PCDHGA11: variants seen among roughly 807,000 people sequenced by gnomAD.
PCDHGA11 encodes the protein protocadherin gamma-A11.
A neutral mutation model predicts 60.4 loss-of-function variants in PCDHGA11; 39 were observed. That is an observed-to-expected ratio of 0.65 (90% CI 0.50 to 0.84). PCDHGA11 has a LOEUF of 0.84. PCDHGA11 is among the 40% of genes least tolerant of loss of function. PCDHGA11 has a pLI of 0.00. For synonymous variants in PCDHGA11, 533 were observed against 510.3 expected, an observed-to-expected ratio of 1.04 and a Z score of -0.60; for missense variants, 1,165 against 1,197.7, an observed-to-expected ratio of 0.97 and a Z score of 0.40.
intron 1 of PCDHGA11, among the ~76,000 whole-genome samples, chr5:141,448,772 G>C (rs1034550563): frequency 1.5e-4 from 22 of 151,272 alleles, no homozygotes; most frequent in African/African-American, 3.7e-4. Context: ...AACCCCGTCT[G>C]TACTAAAAAT....
chr5:141,475,914 A>C (rs2099380300), intron 1 of PCDHGA11: 1 of 592,260 alleles, frequency 1.7e-6, no homozygotes, highest in African/African-American at 1.9e-5. Context: ...GCCAATGAAG[A>C]CGCTGGAGAT....
intron 1 of PCDHGA11, among the ~76,000 whole-genome samples, chr5:141,456,046 C>T (rs759479772): frequency 1.3e-5 from 2 of 151,904 alleles, no homozygotes; most frequent in Non-Finnish European, 2.9e-5. Context: ...TACAGGCGCC[C>T]ACCACCACGT....
intron 1 of PCDHGA11, among the ~76,000 whole-genome samples, chr5:141,454,032 C>T (rs2098780173): frequency 6.6e-6 from 1 of 152,126 alleles, no homozygotes; most frequent in Non-Finnish European, 1.5e-5. Flanking sequence ...AAGAATTGGC[C>T]AGCAAAGATA....
intron 1 of PCDHGA11, among the ~76,000 whole-genome samples, chr5:141,447,321 G>C (rs148203274): frequency 3.9e-5 from 6 of 152,068 alleles, no homozygotes; most frequent in Admixed American, 6.5e-5. Flanking sequence ...TGTATTTTTA[G>C]TAGAGACGGG....
chr5:141,442,716 G>A (rs1367250926), intron 1 of PCDHGA11, among the ~76,000 whole-genome samples: 1 of 152,206 alleles, frequency 6.6e-6, no homozygotes, highest in East Asian at 1.9e-4. Context: ...ACATGCCAGA[G>A]CATTTGGGGC....
rs1334650353 is a variant in PCDHGA11, at chr5:141,493,099, A to T, written c.2434-1708A>T. Among the ~76,000 whole-genome samples, 1 of 152,192 alleles carries T rather than the reference A, an allele frequency of 6.6e-6. No homozygotes were observed. Among genetic ancestry groups the T allele is most frequent in the East Asian group, 1.9e-4 (1 of 5,198 alleles). On this transcript the variant is annotated intron_variant, in intron 1 of 3. Coordinates refer to ENST00000398587, the MANE Select transcript of PCDHGA11 (RefSeq NM_018914.3). This position sits in a 1 kb window ranked among gnomAD's most constrained non-coding sequence, Gnocchi z 4.3. ...CTCCAGGAGCTTTTATTCAAAATAT[A>T]TCAATGCCTAACTCTGCTCCTAGGA... is the stretch of plus-strand genomic sequence containing the variant.
At chr5:141,449,500 A>G (rs1034917703) in intron 1 of PCDHGA11, among the ~76,000 whole-genome samples, 6 of 151,300 alleles carry the variant, frequency 4.0e-5, no homozygotes, top group African/African-American at 1.5e-4. Flanking sequence ...GAGGCATGAG[A>G]AATGCTTGAA....
chr5:141,454,796 A>ATTTTTCT (rs2098799790), intron 1 of PCDHGA11, among the ~76,000 whole-genome samples: 1 of 77,408 alleles, frequency 1.3e-5, no homozygotes, highest in African/African-American at 5.9e-5. Context: ...CATGGTTCTA[A>ATTTTTCT]TTTTTTTTTT....
intron 1 of PCDHGA11, chr5:141,468,632 C>G (rs1385644482): frequency 6.6e-6 from 1 of 151,628 alleles, no homozygotes; most frequent in Non-Finnish European, 1.5e-5. Context: ...TTTGGGAGGC[C>G]GAGGTGGGCG....
intron 1 of PCDHGA11, among the ~76,000 whole-genome samples, chr5:141,466,540 G>T (rs1302720337): frequency 6.6e-6 from 1 of 152,094 alleles, no homozygotes; most frequent in Non-Finnish European, 1.5e-5. Context: ...GATGTAGATG[G>T]TCTTTTGCTG....
At position 141,422,992 on chromosome 5, in the gene PCDHGA11, G is replaced by A; in HGVS notation, c.1765G>A (p.Val589Met). The change falls in exon 1 of 4, where the codon GTG (valine) becomes ATG (methionine). Residue 589 changes from valine (V) to methionine (M), a missense_variant. Physicochemically the swap from Val to Met is conservative, Grantham distance 21. Coordinates refer to ENST00000398587, the MANE Select transcript of PCDHGA11 (RefSeq NM_018914.3). Reference sequence around the variant, plus strand: ...CCGCTCTGCGGAACCTGGCTACCTGGTGACCAAGGTGGTTGCGGTGGACAA... The same window carrying A: ...CCGCTCTGCGGAACCTGGCTACCTGATGACCAAGGTGGTTGCGGTGGACAA... ...APRSAEPGYL[V>M]TKVVAVDKDS... 1 of 1,614,238 alleles carries A rather than the reference G, an allele frequency of 6.2e-7. No individual in the cohort carries two copies. The highest frequency in any genetic ancestry group is 8.5e-7 in the Non-Finnish European group (1 of 1,180,042).
intron 1 of PCDHGA11, among the ~76,000 whole-genome samples, chr5:141,438,835 A>T (rs1591550617): frequency 6.7e-6 from 1 of 149,784 alleles, no homozygotes; most frequent in African/African-American, 2.5e-5. Flanking sequence ...CTAATTTTTT[A>T]AAATATTTTT....
intron 3 of PCDHGA11, among the ~76,000 whole-genome samples, chr5:141,509,907 C>T (rs149338646): frequency 3.3e-5 from 5 of 152,182 alleles, no homozygotes; most frequent in South Asian, 2.1e-4. Context: ...TTCCAGCATG[C>T]GCTTAGGTAC....
chr5:141,441,752 C>T, intron 1 of PCDHGA11: 2 of 378,086 alleles, frequency 5.3e-6, no homozygotes, highest in Non-Finnish European at 1.1e-5. Context: ...TCGGCGTCAA[C>T]GTGAGCCTGC....
chr5:141,487,529 A>G lies in PCDHGA11; in HGVS notation c.2434-7278A>G, dbSNP rs772843725. ...TGCACCCACTCGGAGTGATAGCTTCATGATGGTGAAGTCACCCAGTGCACC... is the reference window on the plus strand; with the variant it reads ...TGCACCCACTCGGAGTGATAGCTTCGTGATGGTGAAGTCACCCAGTGCACC... On this transcript the variant is annotated intron_variant, in intron 1 of 3. Coordinates refer to ENST00000398587, the MANE Select transcript of PCDHGA11 (RefSeq NM_018914.3). The surrounding 1 kb of genome is among the most constrained non-coding windows in gnomAD (Gnocchi z 5.0). The G allele has an allele frequency of 2.0e-5, 32 of 1,614,168 alleles. No individual in the cohort carries two copies. Among genetic ancestry groups the G allele is most frequent in the Non-Finnish European group, 2.5e-5 (29 of 1,180,040 alleles).
At chr5:141,503,241 A>G (rs1399557839) in intron 2 of PCDHGA11, among the ~76,000 whole-genome samples, 1 of 152,074 alleles carries the variant, frequency 6.6e-6, no homozygotes, top group Non-Finnish European at 1.5e-5. Context: ...GACAGTTTCT[A>G]TCATACTCAC....
intron 1 of PCDHGA11, chr5:141,427,474 A>G (rs373512099): frequency 3.7e-5 from 19 of 520,294 alleles, no homozygotes; most frequent in African/African-American, 1.5e-4. Context: ...TCTTCCGCCA[A>G]TAATGACTAT....
intron 1 of PCDHGA11, chr5:141,430,598 T>G: frequency 1.7e-6 from 1 of 598,568 alleles, no homozygotes; most frequent in Non-Finnish European, 2.6e-6. Context: ...TGCACGCGCC[T>G]GAAGCACAAA....
rs112808093 is a variant in PCDHGA11, at chr5:141,489,579, C to T, written c.2434-5228C>T. On this transcript the variant is annotated intron_variant, in intron 1 of 3. Transcript: ENST00000398587. The surrounding 1 kb of genome is among the most constrained non-coding windows in gnomAD (Gnocchi z 4.5). ...CAGTGCAGGTGGTGACTGAACACCC[C>T]CTGGAGCTAATCCGTGTAGAGGTAG... is the stretch of plus-strand genomic sequence containing the variant. 211 of 1,614,038 alleles carry T rather than the reference C, an allele frequency of 1.3e-4. 1 individual carries two copies. In the African/African-American group the frequency reaches 1.7e-3, roughly 13 times the overall value.
Sources: gnomAD v4.1 joint callset for allele counts (sites outside exome capture counted in the v4.1 genomes callset) on GRCh38, gnomAD v4.1.1 for gene constraint, Gnocchi (gnomAD v3.1) non-coding constraint, MANE v1.5 for transcripts, NCBI Gene and HGNC (gene_info 2026-07-23, HGNC 2026-07-21) for gene names.